The following VSIG4 variants were observed in gnomAD, a reference collection of about 807,000 sequenced individuals.
The protein encoded by VSIG4 is V-set and immunoglobulin domain containing 4.
A neutral mutation model predicts 23.4 loss-of-function variants in VSIG4; 34 were observed. The ratio of observed to expected loss-of-function variants is 1.45; its 90% confidence interval spans 1.10 to 1.93. The LOEUF (loss-of-function observed/expected upper bound fraction) is 1.93, where lower values mean the gene tolerates loss of function less well. Ranked by LOEUF, VSIG4 falls within the 30% of genes most tolerant of loss-of-function variation. The pLI is 0.00. For synonymous variants in VSIG4, 169 were observed against 120.3 expected (o/e 1.41, Z -2.65); for missense variants, 433 against 310.8 (o/e 1.39, Z -2.96).
At position 66,022,430 on chromosome X, in the gene VSIG4, T is replaced by A; in HGVS notation, c.1033A>T (p.Ser345Cys). 4.1e-6 allele frequency: 5 copies of A among 1,212,020 alleles called. No individual in the cohort carries two copies. Among genetic ancestry groups the A allele is most frequent in the Non-Finnish European group, 5.6e-6 (5 of 895,556 alleles). Residue 345 changes from serine to cysteine, a missense_variant, in exon 8 of 8, where the codon AGT (serine) becomes TGT (cysteine). Physicochemically the swap from Ser to Cys is moderately radical, Grantham distance 112 (BLOSUM62 -1). Coordinates refer to ENST00000374737, the MANE Select transcript of VSIG4 (RefSeq NM_007268.3). ...RVAIFASGCSSDEPTSQNLGN... is the reference protein window; with the variant it reads ...RVAIFASGCSCDEPTSQNLGN... ...AGATTCTGGGAAGTTGGCTCATCAC[T>A]GGAGCAGCCACTTGCGAAGATGGCC...
At chrX:66,031,077 A>G (rs1474610075) in intron 3 of VSIG4, among the ~76,000 whole-genome samples, 3 of 110,880 alleles carry the variant, frequency 2.7e-5, no homozygotes, top group Non-Finnish European at 5.7e-5. Context: ...AAGGCTGAGA[A>G]TAACTTCCCT....
intron 6 of VSIG4, among the ~76,000 whole-genome samples, chrX:66,024,096 T>A: frequency 8.9e-6 from 1 of 112,469 alleles, no homozygotes; most frequent in Non-Finnish European, 1.9e-5. Flanking sequence ...GTAACCAGGC[T>A]ATTTGGGAGT....
intron 1 of VSIG4, 62 bp downstream of exon 1, chrX:66,039,882 A>C: frequency 1.7e-6 from 2 of 1,183,066 alleles, no homozygotes; most frequent in Non-Finnish European, 2.3e-6. Context: ...GACATTAAAC[A>C]CCAACCCTCT....
At chrX:66,027,601 G>A in intron 4 of VSIG4, 75 bp from the exon 5 acceptor site, 2 of 866,958 alleles carry the variant, frequency 2.3e-6, no homozygotes, top group Non-Finnish European at 1.7e-6. Flanking sequence ...TGGTTGCAAA[G>A]GTTGGAGTCC....
chrX:66,027,367 A>G lies in VSIG4; in HGVS notation c.835+82T>C, dbSNP rs916877869. Reference sequence around the variant, plus strand: ...AATGATTTGCAGATTTCAATGCTGTAGAACAGTGTGCATAAGGGAAAGTTT... The same window carrying G: ...AATGATTTGCAGATTTCAATGCTGTGGAACAGTGTGCATAAGGGAAAGTTT... On this transcript the variant is annotated intron_variant, in intron 5 of 7. Transcript: ENST00000374737. The G allele has an allele frequency of 3.6e-6, 3 of 838,017 alleles. No homozygotes were observed. In the African/African-American group the frequency reaches 6.1e-5, roughly 17 times the overall value. 69.1% of individuals were successfully genotyped at this position (838,017 alleles called of 1,213,427 possible). A position where few individuals can be genotyped will look rare whatever the true frequency, so the allele number is the denominator to read the frequency against.
At chrX:66,023,596 G>A (rs994047627) in intron 6 of VSIG4, among the ~76,000 whole-genome samples, 15 of 112,588 alleles carry the variant, frequency 1.3e-4, no homozygotes, top group Non-Finnish European at 2.8e-4. Context: ...CACCTGTACC[G>A]CAAGGGTCGT....
At position 66,025,098 on chromosome X, in the gene VSIG4, G is replaced by A. The variant is rs759211847; in HGVS notation, c.867C>T (p.Leu289=). ...CCACCATACAGCACAAGGAGATGAT[G>A]AGGATGATGGCAAAGACAGGCAGGC... The part of the protein sequence containing the change: ...GKSLPVFAII[L]IISLCCMVVF... The change falls in exon 6 of 8, where the codon CTC becomes CTT. Residue 289 remains leucine, a synonymous_variant. Transcript: ENST00000374737. The A allele has an allele frequency of 3.3e-6, 4 of 1,201,791 alleles. No individual in the cohort carries two copies. Among genetic ancestry groups the A allele is most frequent in the African/African-American group, 1.8e-5 (1 of 56,975 alleles).
chrX:66,034,103 G>A, intron 1 of VSIG4, among the ~76,000 whole-genome samples: 1 of 111,976 alleles, frequency 8.9e-6, no homozygotes, highest in Non-Finnish European at 1.9e-5. Flanking sequence ...TCCTAGGTAA[G>A]TCACCTTCTT....
chrX:66,038,679 A>G (rs2085649157), intron 1 of VSIG4, among the ~76,000 whole-genome samples: 1 of 111,958 alleles, frequency 8.9e-6, no homozygotes. Context: ...TTATAGAAAG[A>G]AAAATGTTTT....
rs776053280 is a variant in VSIG4, at chrX:66,025,093, A to G, written c.872T>C (p.Ile291Thr). The change falls in exon 6 of 8, where the codon ATC (isoleucine) becomes ACC (threonine). Residue 291 changes from isoleucine (I) to threonine (T), a missense_variant. Ile to Thr is a moderately conservative substitution (Grantham distance 89, BLOSUM62 -1). Coordinates refer to ENST00000374737, the MANE Select transcript of VSIG4 (RefSeq NM_007268.3). ...AAAAACCACCATACAGCACAAGGAG[A>G]TGATGAGGATGATGGCAAAGACAGG... is the stretch of plus-strand genomic sequence containing the variant. ...SLPVFAIILI[I>T]SLCCMVVFTM... The G allele has an allele frequency of 2.5e-6, 3 of 1,201,427 alleles. No homozygotes were observed. Among genetic ancestry groups the G allele is most frequent in the Non-Finnish European group, 3.4e-6 (3 of 890,926 alleles).
chrX:66,030,971 A>T (rs2085457439), intron 3 of VSIG4, among the ~76,000 whole-genome samples: 1 of 110,735 alleles, frequency 9.0e-6, no homozygotes, highest in Non-Finnish European at 1.9e-5. Context: ...GAGGTGAAAT[A>T]GGGGGTCAGA....
intron 1 of VSIG4, among the ~76,000 whole-genome samples, chrX:66,037,634 T>A: frequency 1.2e-5 from 1 of 83,384 alleles, no homozygotes; most frequent in Admixed American, 1.7e-4. Flanking sequence ...ATATATAATA[T>A]ATAATAATTA....
intron 1 of VSIG4, among the ~76,000 whole-genome samples, chrX:66,035,530 A>G (rs2085526678): frequency 9.0e-6 from 1 of 111,092 alleles, no homozygotes; most frequent in East Asian, 2.8e-4. Flanking sequence ...AATAGGCTAT[A>G]ATAGAAATAG....
intron 4 of VSIG4, 24 bp downstream of exon 4, chrX:66,028,026 T>C (rs2085413084): frequency 8.3e-7 from 1 of 1,198,214 alleles, no homozygotes; most frequent in Admixed American, 2.2e-5. Flanking sequence ...CTCTACTACT[T>C]CCTCAGACTC....
rs1041821011 is a variant in VSIG4, at chrX:66,032,365, G to A, written c.694+103C>T. The A allele has an allele frequency of 6.8e-6, 7 of 1,022,937 alleles. No individual in the cohort carries two copies. In the African/African-American group the frequency reaches 9.6e-5, roughly 14 times the overall value. The allele number at this position is 1,022,937 out of a possible 1,213,427, so 84.3% of individuals were successfully genotyped here. On this transcript the variant is annotated intron_variant, in intron 3 of 7. Transcript: ENST00000374737. ...GATTGTACAACCATTGCCTGCTTGG[G>A]ATCCTCCTCTCCCAATTCTTCTTTT...
Position 66,027,443 on chromosome X carries a change from T to A in VSIG4, c.835+6A>T. The A allele has an allele frequency of 8.4e-7, 1 of 1,197,144 alleles. No homozygotes were observed. Among genetic ancestry groups the A allele is most frequent in the Non-Finnish European group, 1.1e-6 (1 of 886,353 alleles). On this transcript the variant is annotated splice_donor_region_variant and intron_variant, in intron 5 of 7. Transcript: ENST00000374737. Reference sequence around the variant, plus strand: ...GAAAAGATAGAAATCCTGACAATATTCCTACCTGGCCCAGCACTGGTCTCT... The same window carrying A: ...GAAAAGATAGAAATCCTGACAATATACCTACCTGGCCCAGCACTGGTCTCT...
chrX:66,030,472 G>T (rs779868553), intron 3 of VSIG4, among the ~76,000 whole-genome samples: 1 of 111,457 alleles, frequency 9.0e-6, no homozygotes, highest in Admixed American at 9.6e-5. Flanking sequence ...AGAGGATAAA[G>T]GGTATTGCAG....
chrX:66,028,200 C>A lies in VSIG4; in HGVS notation c.695-88G>T, dbSNP rs931399862. 1.7e-5 allele frequency: 13 copies of A among 776,631 alleles called. No individual in the cohort carries two copies. The African/African-American group carries it at 2.3e-4, about 14-fold the overall frequency. 64.0% of individuals were successfully genotyped at this position (776,631 alleles called of 1,213,427 possible). A position where few individuals can be genotyped will look rare whatever the true frequency, so the allele number is the denominator to read the frequency against. ...TAGGGAAATAGGAAGTAAGTAAAGG[C>A]CATTCAGGTCCATACTTGGACCTGC... On this transcript the variant is annotated intron_variant, in intron 3 of 7. Transcript: ENST00000374737.
At chrX:66,035,525 G>T (rs1295691628) in intron 1 of VSIG4, among the ~76,000 whole-genome samples, 1 of 111,082 alleles carries the variant, frequency 9.0e-6, no homozygotes, top group African/African-American at 3.3e-5. Flanking sequence ...GTGTTAATAG[G>T]CTATAATAGA....
Sources: gnomAD v4.1 joint callset for allele counts (sites outside exome capture counted in the v4.1 genomes callset) on GRCh38, gnomAD v4.1.1 for gene constraint, MANE v1.5 for transcripts, NCBI Gene and HGNC (gene_info 2026-07-23, HGNC 2026-07-21) for gene names.